Variants in AXDND1 observed in about 807,000 individuals in gnomAD.
AXDND1 encodes the protein axonemal dynein light chain domain-containing protein 1.
A neutral mutation model predicts 137.5 loss-of-function variants in AXDND1; 110 were observed. The ratio of observed to expected loss-of-function variants is 0.80; its 90% confidence interval spans 0.69 to 0.94. The LOEUF is 0.94. Ranked by LOEUF, AXDND1 falls within the 40% of genes least tolerant of loss-of-function variation. AXDND1 has a pLI of 0.00. For synonymous variants in AXDND1, 414 were observed against 399.7 expected (o/e 1.04, Z -0.43); for missense variants, 1,191 against 1,169.8 (o/e 1.02, Z -0.26).
At chr1:179,525,004 A>ACAT (rs1257552609) in intron 21 of AXDND1, among the ~76,000 whole-genome samples, 2 of 152,146 alleles carry the variant, frequency 1.3e-5, no homozygotes, top group Non-Finnish European at 1.5e-5. Flanking sequence ...TCCTCTGCCC[A>ACAT]GAGCTGCTTC....
At chr1:179,496,959 G>C (rs1667505519) in intron 20 of AXDND1, among the ~76,000 whole-genome samples, 1 of 151,952 alleles carries the variant, frequency 6.6e-6, no homozygotes, top group African/African-American at 2.4e-5. Context: ...TCATCCATGG[G>C]TTATTTAGAA....
chr1:179,418,563 C>T (rs534298369), intron 12 of AXDND1, among the ~76,000 whole-genome samples: 44 of 151,884 alleles, frequency 2.9e-4, no homozygotes, highest in African/African-American at 1.0e-3. Flanking sequence ...CCAGTAGGGG[C>T]GGCCGGGCAG....
At chr1:179,549,230 G>A (rs928260673) in intron 25 of AXDND1, among the ~76,000 whole-genome samples, 43 of 152,166 alleles carry the variant, frequency 2.8e-4, no homozygotes, top group African/African-American at 9.9e-4. Context: ...CAGCACCTGG[G>A]TCAGCTCACC....
chr1:179,474,605 G>C lies in AXDND1; in HGVS notation c.1997+5964G>C, dbSNP rs563227746. Among the ~76,000 whole-genome samples, 10 of 152,296 alleles carry C rather than the reference G, an allele frequency of 6.6e-5. No homozygotes were observed. In the East Asian group the frequency reaches 1.9e-3, roughly 29 times the overall value. ...CATTTTGACTCTGCCCTAGAAATCT[G>C]AGGAACTTTGAACTAGAGAGAGATG... On this transcript the variant is annotated intron_variant, in intron 17 of 25. Transcript: ENST00000367618.
intron 16 of AXDND1, among the ~76,000 whole-genome samples, chr1:179,464,441 C>T (rs928029008): frequency 6.6e-6 from 1 of 152,114 alleles, no homozygotes; most frequent in Non-Finnish European, 1.5e-5. Context: ...TGAATATTGG[C>T]CCCCACTCTC....
chr1:179,525,571 A>C (rs1287533219), intron 22 of AXDND1, 124 bp downstream of exon 22: 10 of 1,160,036 alleles, frequency 8.6e-6, no homozygotes, highest in African/African-American at 8.0e-5. Flanking sequence ...ATCATAGCTC[A>C]CTGTAACCTC....
chr1:179,368,421 TG>T (rs1240758504), intron 2 of AXDND1, among the ~76,000 whole-genome samples: 2 of 152,102 alleles, frequency 1.3e-5, no homozygotes, highest in Non-Finnish European at 2.9e-5. Flanking sequence ...TTTGACAGCT[TG>T]GGGGGAGAGA....
At chr1:179,513,808 A>G (rs1669270235) in intron 21 of AXDND1, among the ~76,000 whole-genome samples, 1 of 151,996 alleles carries the variant, frequency 6.6e-6, no homozygotes, top group South Asian at 2.1e-4. Flanking sequence ...GTATTTTTCC[A>G]GGAATTTATC....
At chr1:179,485,793 T>C (rs574499749) in intron 18 of AXDND1, among the ~76,000 whole-genome samples, 2 of 152,162 alleles carry the variant, frequency 1.3e-5, no homozygotes, top group South Asian at 4.2e-4. Flanking sequence ...TACAATAAAA[T>C]GATACAGGAG....
chr1:179,449,161 G>C (rs2125386763), intron 16 of AXDND1: 2 of 454,110 alleles, frequency 4.4e-6, no homozygotes, highest in East Asian at 7.1e-5. Flanking sequence ...GCTGGAATTA[G>C]AGGCATAATC....
chr1:179,411,660 C>G (rs1180516921), intron 12 of AXDND1, among the ~76,000 whole-genome samples: 1 of 115,338 alleles, frequency 8.7e-6, no homozygotes, highest in Non-Finnish European at 1.9e-5. Context: ...AGCTATTACA[C>G]AATTAAGGGT....
At chr1:179,546,283 A>C (rs984189148) in intron 25 of AXDND1, 17 of 148,958 alleles carry the variant, frequency 1.1e-4, no homozygotes, top group Non-Finnish European at 2.4e-4. Context: ...GGGTGGGGTT[A>C]GGAAGACATA....
At chr1:179,419,610 G>GAGGGAGAGGGAGATGGT (rs1655345501) in intron 12 of AXDND1, among the ~76,000 whole-genome samples, 1 of 137,176 alleles carries the variant, frequency 7.3e-6, no homozygotes, top group Non-Finnish European at 1.6e-5. Context: ...CGTGGAAAGA[G>GAGGGAGAGGGAGATGGT]AGGGAGAGGG....
intron 25 of AXDND1, among the ~76,000 whole-genome samples, chr1:179,546,705 C>T (rs1672684704): frequency 6.6e-6 from 1 of 152,170 alleles, no homozygotes; most frequent in South Asian, 2.1e-4. Flanking sequence ...CGACAGGTTC[C>T]ATGTCCTGTA....
intron 12 of AXDND1, among the ~76,000 whole-genome samples, chr1:179,426,955 A>G (rs979097484): frequency 3.3e-5 from 5 of 152,210 alleles, no homozygotes; most frequent in Non-Finnish European, 4.4e-5. Flanking sequence ...TGATGTCAGG[A>G]GTTTGAGACC....
At chr1:179,547,088 ACTGT>A (rs1271330002) in intron 25 of AXDND1, among the ~76,000 whole-genome samples, 2 of 152,216 alleles carry the variant, frequency 1.3e-5, no homozygotes, top group East Asian at 3.8e-4. Flanking sequence ...GCTCTAGATC[ACTGT>A]CTGGGTATTC....
At chr1:179,413,853 TC>T (rs1654270606) in intron 12 of AXDND1, among the ~76,000 whole-genome samples, 1 of 152,170 alleles carries the variant, frequency 6.6e-6, no homozygotes, top group South Asian at 2.1e-4. Flanking sequence ...TAATTTACAT[TC>T]CCACCATAGT....
At chr1:179,535,085 C>T in intron 25 of AXDND1, 123 bp downstream of exon 25, 1 of 1,417,406 alleles carries the variant, frequency 7.1e-7, no homozygotes, top group Non-Finnish European at 9.8e-7. Context: ...TTATACTTCT[C>T]ATAGGAATGT....
At chr1:179,506,770 A>C in intron 20 of AXDND1, 1 of 743,974 alleles carries the variant, frequency 1.3e-6, no homozygotes, top group Non-Finnish European at 1.6e-6. Context: ...ATTTGGTCTC[A>C]TCTCTGCCCT....
Sources: gnomAD v4.1 joint callset for allele counts (sites outside exome capture counted in the v4.1 genomes callset) on GRCh38, gnomAD v4.1.1 for gene constraint, MANE v1.5 for transcripts, NCBI Gene and HGNC (gene_info 2026-07-23, HGNC 2026-07-21) for gene names.